UBAP1: variants seen among roughly 807,000 people sequenced by gnomAD.
UBAP1 encodes ubiquitin-associated protein 1.
A neutral mutation model predicts 39.0 loss-of-function variants in UBAP1; 5 were observed. The ratio of observed to expected loss-of-function variants is 0.13; its 90% CI spans 0.07 to 0.27. The LOEUF is 0.27. UBAP1 is among the 10% of genes least tolerant of loss of function. The pLI is 1.00. For synonymous variants in UBAP1, 211 were observed against 225.1 expected (o/e 0.94, Z 0.56); for missense variants, 490 against 608.1 (o/e 0.81, Z 2.04).
intron 1 of UBAP1, among the ~76,000 whole-genome samples, chr9:34,182,160 GTTTATTTATTTA>G (rs10530740): frequency 1.2e-5 from 1 of 82,764 alleles, no homozygotes; most frequent in African/African-American, 3.6e-5. Context: ...GATCCCTGAC[GTTTATTTATTTA>G]TTTATTTATT....
intron 2 of UBAP1, among the ~76,000 whole-genome samples, chr9:34,228,613 A>T (rs1357335040): frequency 3.1e-5 from 4 of 127,420 alleles, no homozygotes; most frequent in Admixed American, 1.7e-4. Context: ...TCAGTCACCC[A>T]GGCTGGAGTT....
chr9:34,251,309 C>T, intron 6 of UBAP1, 83 bp from the exon 7 acceptor site: 2 of 1,451,568 alleles, frequency 1.4e-6, no homozygotes, highest in Non-Finnish European at 1.9e-6. Context: ...TCCCCCAGTC[C>T]CCGTCCCACA....
intron 1 of UBAP1, chr9:34,206,168 A>G (rs543968094): frequency 1.5e-4 from 23 of 152,330 alleles, no homozygotes; most frequent in African/African-American, 5.3e-4. Context: ...CTCCCTTCCA[A>G]GTACTAACCA....
At chr9:34,221,727 T>G (rs892742832) in intron 2 of UBAP1, among the ~76,000 whole-genome samples, 1 of 152,148 alleles carries the variant, frequency 6.6e-6, no homozygotes, top group African/African-American at 2.4e-5. Context: ...AATACTGATA[T>G]TTATAATTTT....
rs1049567 is a variant in UBAP1, at chr9:34,252,129, T to C, written c.*597T>C. ...TGCCTTTTCTGCCAGGCAGTCACCA[T>C]GCTTCCCTACCCCAGCCTGTTTCTT... On this transcript the variant is annotated 3_prime_UTR_variant, in exon 7 of 7. Coordinates refer to ENST00000297661, the MANE Select transcript of UBAP1 (RefSeq NM_016525.5). The C allele has an allele frequency of 0.69, 105,414 of 152,730 alleles. 38,828 individuals carry two copies. Among genetic ancestry groups the C allele is most frequent in the East Asian group, 0.95 (4,907 of 5,186 alleles). The allele number at this position is 152,730 out of a possible 1,614,324, so 9.5% of individuals were successfully genotyped here.
intron 1 of UBAP1, among the ~76,000 whole-genome samples, chr9:34,201,103 C>T (rs957312553): frequency 1.3e-5 from 2 of 152,000 alleles, no homozygotes; most frequent in African/African-American, 4.8e-5. Flanking sequence ...TTAGTGGAGA[C>T]GTGGTTTCTC....
At chr9:34,226,941 A>T (rs1833138841) in intron 2 of UBAP1, among the ~76,000 whole-genome samples, 1 of 152,086 alleles carries the variant, frequency 6.6e-6, no homozygotes, top group African/African-American at 2.4e-5. Flanking sequence ...CCATCTGCTC[A>T]CACATGTTTA....
At position 34,251,397 on chromosome 9, in the gene UBAP1, G is replaced by A. The variant is rs748220208; in HGVS notation, c.1374G>A (p.Met458Ile). 1.9e-6 allele frequency: 3 copies of A among 1,613,990 alleles called. No individual in the cohort carries two copies. Among genetic ancestry groups the A allele is most frequent in the Admixed American group, 1.7e-5 (1 of 60,000 alleles). Residue 458 changes from methionine to isoleucine, a missense_variant, in exon 7 of 7, where the codon ATG becomes ATA. By Grantham distance (10) the Met-to-Ile change is conservative. This residue lies in a region of UBAP1 where 339 missense variants were observed against 390.0 expected (regional missense o/e 0.87). Coordinates refer to ENST00000297661, the MANE Select transcript of UBAP1 (RefSeq NM_016525.5). The part of the protein sequence containing the change: ...EMHQCSEEKM[M>I]EFLQLMSKFK... ...TGTTCTCTTCTCTCCCTTAGATGAT[G>A]GAGTTTCTTCAGTTAATGAGCAAAT...
At chr9:34,223,925 T>TA in intron 2 of UBAP1, 1 of 288,318 alleles carries the variant, frequency 3.5e-6, no homozygotes. Flanking sequence ...TTTTTTGGGT[T>TA]TTTTTTGGGA....
intron 2 of UBAP1, among the ~76,000 whole-genome samples, chr9:34,221,929 CAA>C (rs1467098965): frequency 6.6e-6 from 1 of 152,006 alleles, no homozygotes; most frequent in African/African-American, 2.4e-5. Flanking sequence ...CCAAGTAACA[CAA>C]TTATTTTAAG....
At chr9:34,208,207 T>C (rs918507229) in intron 1 of UBAP1, among the ~76,000 whole-genome samples, 3 of 152,236 alleles carry the variant, frequency 2.0e-5, no homozygotes, top group African/African-American at 7.2e-5. Flanking sequence ...GTACTGGTAA[T>C]TTTGGTTGTT....
chr9:34,214,974 C>T (rs1476541046), intron 1 of UBAP1, among the ~76,000 whole-genome samples: 1 of 152,068 alleles, frequency 6.6e-6, no homozygotes, highest in Non-Finnish European at 1.5e-5. Flanking sequence ...AATAAAAAAA[C>T]AGTAGATGTT....
intron 2 of UBAP1, among the ~76,000 whole-genome samples, chr9:34,233,816 G>C (rs189769335): frequency 1.3e-5 from 2 of 152,266 alleles, no homozygotes; most frequent in East Asian, 3.9e-4. Context: ...GAAGGAGTGA[G>C]TCATGTGACA....
chr9:34,185,186 G>T (rs187207177), intron 1 of UBAP1, among the ~76,000 whole-genome samples: 1 of 151,964 alleles, frequency 6.6e-6, no homozygotes, highest in Non-Finnish European at 1.5e-5. Flanking sequence ...TGCCTGCCTC[G>T]GCCTCCCAAA....
At chr9:34,224,187 A>T in intron 2 of UBAP1, 1 of 551,634 alleles carries the variant, frequency 1.8e-6, no homozygotes, top group East Asian at 3.1e-5. Context: ...AATTTTTTAG[A>T]TCATTTTTTG....
At chr9:34,215,498 A>G (rs1832255910) in intron 1 of UBAP1, among the ~76,000 whole-genome samples, 1 of 146,472 alleles carries the variant, frequency 6.8e-6, no homozygotes, top group Non-Finnish European at 1.5e-5. Flanking sequence ...ACGCAAAGGC[A>G]TAAGAATGAT....
chr9:34,206,514 AAAAG>A (rs1432243676), intron 1 of UBAP1, among the ~76,000 whole-genome samples: 2 of 148,800 alleles, frequency 1.3e-5, no homozygotes, highest in African/African-American at 4.9e-5. Context: ...TGTCTCAAAA[AAAAG>A]AAAAGAAAAA....
chr9:34,249,791 A>G lies in UBAP1; in HGVS notation c.1096A>G (p.Asn366Asp), dbSNP rs1834373593. ...PNTGPTVTPP[N>D]FSVSQVPNMP... ...GTTTTTCCACTAGGTCACCCCTCCTAATTTCTCAGTGTCACAAGTGCCCAA... is the reference window on the plus strand; with the variant it reads ...GTTTTTCCACTAGGTCACCCCTCCTGATTTCTCAGTGTCACAAGTGCCCAA... The change falls in exon 5 of 7, where the codon AAT becomes GAT. Residue 366 changes from asparagine (N) to aspartate (D), a missense_variant. Asn to Asp is a conservative substitution (Grantham distance 23). This residue lies in a region of UBAP1 where 339 missense variants were observed against 390.0 expected (regional missense o/e 0.87). Transcript: ENST00000297661. 3 of 1,613,778 alleles carry G rather than the reference A, an allele frequency of 1.9e-6. No homozygotes were observed. The highest frequency in any genetic ancestry group is 2.5e-6 in the Non-Finnish European group (3 of 1,179,868).
intron 2 of UBAP1, chr9:34,224,083 A>G: frequency 2.9e-6 from 2 of 678,420 alleles, no homozygotes; most frequent in African/African-American, 1.8e-5. Flanking sequence ...CCGGCCTTGA[A>G]GTGATGCACG....
Sources: allele counts gnomAD v4.1 joint callset (sites outside exome capture counted in the v4.1 genomes callset), GRCh38; gene constraint gnomAD v4.1.1; regional missense constraint gnomAD v4.1.1; transcripts MANE v1.5; gene names NCBI Gene and HGNC (gene_info 2026-07-23, HGNC 2026-07-21).